Variants in CELF4 observed in about 807,000 individuals in gnomAD.
The protein encoded by CELF4 is CUGBP Elav-like family member 4, also known as CUG-BP- and ETR-3-like factor 4.
In CELF4, 18 loss-of-function variants were observed where a neutral mutation model predicts 59.9. The observed-to-expected ratio is 0.30, with a 90% CI of 0.21 to 0.45. The LOEUF (loss-of-function observed/expected upper bound fraction) is 0.45. CELF4 is among the 20% of genes least tolerant of loss of function. The pLI is 1.00. For synonymous variants in CELF4, 261 were observed against 267.1 expected (o/e 0.98, Z 0.22); for missense variants, 456 against 689.0 (o/e 0.66, Z 3.79).
chr18:37,513,197 C>T lies in CELF4; in HGVS notation c.287-27590G>A, dbSNP rs527769430. ...AACAACAGCCCTTTGTTCCCTGCCT[C>T]AATATGGGTCGCTTTGTCTTCCAAG... On this transcript the variant is annotated intron_variant, in intron 1 of 12. Coordinates refer to ENST00000420428, the MANE Select transcript of CELF4 (RefSeq NM_020180.4). 5.3e-5 allele frequency among the ~76,000 whole-genome samples: 8 copies of T among 152,330 alleles called. No homozygotes were observed. In the South Asian group the frequency reaches 1.7e-3, roughly 32 times the overall value.
Position 37,486,342 on chromosome 18 carries a change from G to A in CELF4, c.287-735C>T, listed in dbSNP as rs149433820. ...TTCTGGCCTCAGTCTCCCCACCTGCGAACTGAGAAGGCTCAGTCTAGCTCT... is the reference window on the plus strand; with the variant it reads ...TTCTGGCCTCAGTCTCCCCACCTGCAAACTGAGAAGGCTCAGTCTAGCTCT... On this transcript the variant is annotated intron_variant, in intron 1 of 12. Coordinates refer to ENST00000420428, the MANE Select transcript of CELF4 (RefSeq NM_020180.4). Among the ~76,000 whole-genome samples, 103 of 152,206 alleles carry A rather than the reference G, an allele frequency of 6.8e-4. No homozygotes were observed. In the East Asian group the frequency reaches 0.018, roughly 26 times the overall value.
intron 1 of CELF4, among the ~76,000 whole-genome samples, chr18:37,515,090 G>A (rs886705427): frequency 2.0e-5 from 3 of 152,150 alleles, no homozygotes; most frequent in Admixed American, 1.3e-4. Flanking sequence ...CTTTCTGAGT[G>A]CTATTATTAT....
chr18:37,522,652 T>C (rs996915347), intron 1 of CELF4, among the ~76,000 whole-genome samples: 16 of 152,174 alleles, frequency 1.1e-4, no homozygotes, highest in African/African-American at 3.1e-4. Context: ...TTTCCATGGG[T>C]GCAGGGTTGT....
chr18:37,341,584 C>T (rs2098037007), intron 2 of CELF4, among the ~76,000 whole-genome samples: 1 of 152,294 alleles, frequency 6.6e-6, no homozygotes, highest in African/African-American at 2.4e-5. Context: ...CGCAGGAACT[C>T]CTGGTCCAAC....
chr18:37,547,254 G>C (rs953483597), intron 1 of CELF4, among the ~76,000 whole-genome samples: 1 of 151,654 alleles, frequency 6.6e-6, no homozygotes, highest in African/African-American at 2.4e-5. Flanking sequence ...GAGCCAACAG[G>C]AGCCCCCCCA....
chr18:37,528,762 G>C (rs905411741), intron 1 of CELF4, among the ~76,000 whole-genome samples: 2 of 152,170 alleles, frequency 1.3e-5, no homozygotes, highest in African/African-American at 4.8e-5. Context: ...ACGTGTTACT[G>C]ACTGCATGTA....
At chr18:37,540,794 G>A (rs1230370170) in intron 1 of CELF4, among the ~76,000 whole-genome samples, 1 of 152,238 alleles carries the variant, frequency 6.6e-6, no homozygotes, top group African/African-American at 2.4e-5. Flanking sequence ...TTAGGTGGGA[G>A]CATGGGAGGG....
rs1208481138 is a variant in CELF4 at position 37,485,662 on chromosome 18, G to T, written c.287-55C>A. The T allele has an allele frequency of 3.0e-5, 36 of 1,207,030 alleles. No homozygotes were observed. In the Admixed American group the frequency reaches 1.3e-3, roughly 45 times the overall value. 74.8% of individuals were successfully genotyped at this position (1,207,030 alleles called of 1,614,324 possible). On this transcript the variant is annotated intron_variant, in intron 1 of 12. Coordinates refer to ENST00000420428, the MANE Select transcript of CELF4 (RefSeq NM_020180.4). ...TCAGTGGGGCGCCCCCGGGCCCGCC[G>T]ACGCGCCCTGCCGCCCGCCCTCCAG... is the stretch of plus-strand genomic sequence containing the variant.
At chr18:37,543,860 G>T (rs904698232) in intron 1 of CELF4, among the ~76,000 whole-genome samples, 6 of 152,108 alleles carry the variant, frequency 3.9e-5, no homozygotes, top group South Asian at 4.1e-4. Context: ...CCGCTACGTG[G>T]TCTGTGCCGC....
Position 37,413,012 on chromosome 18 carries a change from C to T in CELF4, c.369+72513G>A, listed in dbSNP as rs573672331. ...CTGGGCAGAGGGGCTCCCCTCCCCG[C>T]CCAGGCTGTGCACACACATTATTGG... On this transcript the variant is annotated intron_variant, in intron 2 of 12. Coordinates refer to ENST00000420428, the MANE Select transcript of CELF4 (RefSeq NM_020180.4). Among the ~76,000 whole-genome samples, 4 of 152,202 alleles carry T rather than the reference C, an allele frequency of 2.6e-5. No homozygotes were observed. In the East Asian group the frequency reaches 7.8e-4, roughly 30 times the overall value.
intron 2 of CELF4, among the ~76,000 whole-genome samples, chr18:37,470,236 G>C (rs1318604739): frequency 6.6e-6 from 1 of 152,118 alleles, no homozygotes; most frequent in Non-Finnish European, 1.5e-5. Context: ...TCTATGTGCA[G>C]GAATATGTTG....
intron 2 of CELF4, among the ~76,000 whole-genome samples, chr18:37,462,369 C>G (rs1210488126): frequency 6.6e-6 from 1 of 152,218 alleles, no homozygotes; most frequent in East Asian, 1.9e-4. Context: ...GGTGCCACAT[C>G]TCCTCTCCTC....
chr18:37,375,812 C>G (rs988797608), intron 2 of CELF4, among the ~76,000 whole-genome samples: 1 of 152,128 alleles, frequency 6.6e-6, no homozygotes, highest in Admixed American at 6.5e-5. Context: ...TCTTCCACCC[C>G]CAAGCATCTA....
rs762138523 is a variant in CELF4, at chr18:37,253,982, G to T, written c.1334-44C>A. On this transcript the variant is annotated intron_variant, in intron 11 of 12. Coordinates refer to ENST00000420428, the MANE Select transcript of CELF4 (RefSeq NM_020180.4). This position sits in a 1 kb window ranked among gnomAD's most constrained non-coding sequence, Gnocchi z 4.5. ...CGAGGGCCTGGGTTTCCACGGGGCC[G>T]CCCGGGGCGCTGCCGGCGGGGAGGG... 2.2e-5 allele frequency: 31 copies of T among 1,422,646 alleles called. No individual in the cohort carries two copies. Among genetic ancestry groups the T allele is most frequent in the Non-Finnish European group, 2.9e-5 (31 of 1,056,864 alleles). The allele number at this position is 1,422,646 out of a possible 1,614,324, so 88.1% of individuals were successfully genotyped here. A position where few individuals can be genotyped will look rare whatever the true frequency, so the allele number is the denominator to read the frequency against.
intron 2 of CELF4, among the ~76,000 whole-genome samples, chr18:37,331,264 C>T (rs1442104678): frequency 6.6e-6 from 1 of 152,196 alleles, no homozygotes; most frequent in Non-Finnish European, 1.5e-5. Flanking sequence ...CCCATACTGG[C>T]TGCATTCCAT....
chr18:37,369,595 C>G (rs2098833498), intron 2 of CELF4, among the ~76,000 whole-genome samples: 1 of 152,206 alleles, frequency 6.6e-6, no homozygotes, highest in Non-Finnish European at 1.5e-5. Context: ...TCTAGTTTCA[C>G]CATCTCTGCC....
At chr18:37,435,237 T>TAG (rs2154600931) in intron 2 of CELF4, among the ~76,000 whole-genome samples, 1 of 152,288 alleles carries the variant, frequency 6.6e-6, no homozygotes, top group African/African-American at 2.4e-5. Context: ...ACTTTCTCTG[T>TAG]GAGCATCTAG....
intron 1 of CELF4, among the ~76,000 whole-genome samples, chr18:37,527,261 A>T (rs1314958386): frequency 2.0e-5 from 3 of 151,846 alleles, no homozygotes; most frequent in African/African-American, 7.3e-5. Context: ...AACTGACCTG[A>T]GAAGTGCTGG....
At chr18:37,487,695 C>T (rs185839948) in intron 1 of CELF4, among the ~76,000 whole-genome samples, 200 of 152,214 alleles carry the variant, frequency 1.3e-3, no homozygotes, top group Middle Eastern at 6.8e-3. Context: ...CTCTGCTGTA[C>T]GCAGGCAAGC....
Sources: allele counts gnomAD v4.1 joint callset (sites outside exome capture counted in the v4.1 genomes callset), GRCh38; gene constraint gnomAD v4.1.1; non-coding constraint Gnocchi (gnomAD v3.1); transcripts MANE v1.5; gene names NCBI Gene and HGNC (gene_info 2026-07-23, HGNC 2026-07-21).